The following EXOC6B variants were observed in gnomAD, a reference collection of about 807,000 sequenced individuals.
The protein encoded by EXOC6B is SEC15 homolog B.
EXOC6B carries 54 observed loss-of-function variants against 113.5 expected under a neutral mutation model. The ratio of observed to expected loss-of-function variants is 0.48; its 90% CI spans 0.38 to 0.60. The LOEUF is 0.60. Ranked by LOEUF, EXOC6B falls within the 20% of genes least tolerant of loss-of-function variation. The probability of loss-of-function intolerance (pLI) is 0.00; values close to 1 mark genes in which losing one functional copy is unlikely to be tolerated. For missense variants in EXOC6B, 797 were observed against 977.5 expected, an observed-to-expected ratio of 0.82 and a Z score of 2.46; for synonymous variants, 357 against 339.0, an observed-to-expected ratio of 1.05 and a Z score of -0.58.
chr2:72,398,235 G>A (rs1692879959), intron 18 of EXOC6B, among the ~76,000 whole-genome samples: 1 of 152,146 alleles, frequency 6.6e-6, no homozygotes, highest in African/African-American at 2.4e-5. Flanking sequence ...TGAAACATCA[G>A]TCTTTTCTGG....
chr2:72,265,867 G>C (rs1337348484), intron 20 of EXOC6B, among the ~76,000 whole-genome samples: 38 of 152,156 alleles, frequency 2.5e-4, no homozygotes, highest in Non-Finnish European at 4.4e-4. Context: ...TACAGTCCCA[G>C]CAACAGTGTA....
chr2:72,593,830 A>T (rs1706137522), intron 6 of EXOC6B, among the ~76,000 whole-genome samples: 1 of 152,232 alleles, frequency 6.6e-6, no homozygotes, highest in South Asian at 2.1e-4. Flanking sequence ...GATGTAAACT[A>T]CTAAAGCTAA....
intron 8 of EXOC6B, chr2:72,515,514 A>T: frequency 2.0e-6 from 2 of 1,024,946 alleles, no homozygotes; most frequent in Non-Finnish European, 2.3e-6. Flanking sequence ...AAACATCAAG[A>T]ATAAAAATGA....
intron 20 of EXOC6B, among the ~76,000 whole-genome samples, chr2:72,199,311 T>C (rs1679352800): frequency 6.6e-6 from 1 of 152,210 alleles, no homozygotes; most frequent in Non-Finnish European, 1.5e-5. Flanking sequence ...AGGCAATGCA[T>C]ACAAGCAGGC....
chr2:72,630,861 G>T (rs1018974290), intron 6 of EXOC6B, among the ~76,000 whole-genome samples: 3 of 152,046 alleles, frequency 2.0e-5, no homozygotes, highest in Non-Finnish European at 2.9e-5. Context: ...AATTTCTAAA[G>T]CCCAAGTGCC....
At chr2:72,223,800 A>G (rs892440529) in intron 20 of EXOC6B, among the ~76,000 whole-genome samples, 2 of 152,142 alleles carry the variant, frequency 1.3e-5, no homozygotes, top group African/African-American at 4.8e-5. Context: ...GTTTTTGGGT[A>G]GAGAGTAATT....
At chr2:72,680,438 G>A (rs1676617012) in intron 6 of EXOC6B, among the ~76,000 whole-genome samples, 1 of 152,114 alleles carries the variant, frequency 6.6e-6, no homozygotes, top group African/African-American at 2.4e-5. Flanking sequence ...GCACCTAACA[G>A]ATAAGAAGCA....
intron 21 of EXOC6B, 101 bp downstream of exon 21, chr2:72,183,974 C>T: frequency 4.7e-6 from 3 of 634,870 alleles, no homozygotes; most frequent in Non-Finnish European, 8.4e-6. Context: ...CAGAACAAGG[C>T]TATCTTTCAA....
intron 6 of EXOC6B, among the ~76,000 whole-genome samples, chr2:72,656,094 G>A (rs1674554339): frequency 6.6e-6 from 1 of 151,986 alleles, no homozygotes; most frequent in Non-Finnish European, 1.5e-5. Flanking sequence ...GCCTAAAAAT[G>A]CCCAAAAACA....
chr2:72,454,437 C>T (rs529532494), intron 18 of EXOC6B, among the ~76,000 whole-genome samples: 216 of 151,920 alleles, frequency 1.4e-3, no homozygotes, highest in African/African-American at 4.9e-3. Flanking sequence ...CTTGAGAGGG[C>T]GAGGCTGCAG....
intron 6 of EXOC6B, 125 bp from the exon 7 acceptor site, chr2:72,575,793 T>A (rs527988926): frequency 1.2e-6 from 1 of 844,356 alleles, no homozygotes; most frequent in Admixed American, 3.8e-5. Flanking sequence ...TTTGAACAAA[T>A]TGATATCTTA....
intron 20 of EXOC6B, among the ~76,000 whole-genome samples, chr2:72,294,610 A>T (rs1214943833): frequency 1.3e-5 from 2 of 152,046 alleles, no homozygotes; most frequent in African/African-American, 4.8e-5. Context: ...ATCTATTTAC[A>T]TTTATTATCA....
chr2:72,732,754 T>C (rs752879203), intron 3 of EXOC6B, among the ~76,000 whole-genome samples: 10 of 152,166 alleles, frequency 6.6e-5, no homozygotes, highest in Non-Finnish European at 8.8e-5. Flanking sequence ...AAAGGCCTCA[T>C]TAAGAAGGCA....
chr2:72,491,543 A>C (rs1266615750), intron 16 of EXOC6B, among the ~76,000 whole-genome samples: 1 of 152,122 alleles, frequency 6.6e-6, no homozygotes, highest in Admixed American at 6.6e-5. Flanking sequence ...AAATTCTTCT[A>C]AACTCCTCTC....
intron 2 of EXOC6B, among the ~76,000 whole-genome samples, chr2:72,741,087 G>A (rs1320427383): frequency 2.7e-5 from 4 of 150,660 alleles, no homozygotes; most frequent in Admixed American, 6.6e-5. Context: ...CTGGGCGACA[G>A]AGCGAGACTC....
intron 18 of EXOC6B, among the ~76,000 whole-genome samples, chr2:72,388,165 A>C (rs1692165056): frequency 6.6e-6 from 1 of 152,194 alleles, no homozygotes; most frequent in Non-Finnish European, 1.5e-5. Flanking sequence ...CCTGGTCCAC[A>C]ATGTCAATAC....
chr2:72,501,473 C>T (rs1700316239), intron 11 of EXOC6B, among the ~76,000 whole-genome samples: 1 of 152,122 alleles, frequency 6.6e-6, no homozygotes, highest in Non-Finnish European at 1.5e-5. Flanking sequence ...CAAAATAAAC[C>T]TCTTTTCTTT....
At chr2:72,203,138 C>A (rs1189492867) in intron 20 of EXOC6B, among the ~76,000 whole-genome samples, 1 of 152,186 alleles carries the variant, frequency 6.6e-6, no homozygotes, top group African/African-American at 2.4e-5. Context: ...AGATGGCAAA[C>A]TTATTCCTGC....
chr2:72,475,205 G>A (rs2105464810), intron 17 of EXOC6B, among the ~76,000 whole-genome samples: 1 of 152,218 alleles, frequency 6.6e-6, no homozygotes, highest in East Asian at 1.9e-4. Context: ...AGTCCAGATG[G>A]GCCAATTGTT....
Sources: allele counts gnomAD v4.1 joint callset (sites outside exome capture counted in the v4.1 genomes callset), GRCh38; gene constraint gnomAD v4.1.1; transcripts MANE v1.5; gene names NCBI Gene and HGNC (gene_info 2026-07-23, HGNC 2026-07-21).